Variants in CAMK2G observed in about 807,000 individuals in gnomAD.
The protein encoded by CAMK2G is calcium/calmodulin-dependent protein kinase type II subunit gamma.
In CAMK2G, 23 loss-of-function variants were observed where a neutral mutation model predicts 88.7. The ratio of observed to expected loss-of-function variants is 0.26; its 90% CI spans 0.19 to 0.37. The LOEUF is 0.37. Among genes scored for constraint, CAMK2G ranks in the 10% least tolerant of loss-of-function variants. CAMK2G has a pLI of 1.00. For synonymous variants in CAMK2G, 263 were observed against 294.8 expected (o/e 0.89, Z 1.11); for missense variants, 476 against 780.8 (o/e 0.61, Z 4.65).
At chr10:73,867,106 G>A (rs1463027047) in intron 2 of CAMK2G, among the ~76,000 whole-genome samples, 2 of 152,214 alleles carry the variant, frequency 1.3e-5, no homozygotes, top group Non-Finnish European at 2.9e-5. Context: ...ATGGTCCCAT[G>A]TGAACCCCCA....
chr10:73,819,565 T>C lies in CAMK2G; in HGVS notation c.1330A>G (p.Met444Val). 9.0e-6 allele frequency: 14 copies of C among 1,549,496 alleles called. No individual in the cohort carries two copies. The highest frequency in any genetic ancestry group is 1.2e-5 in the Non-Finnish European group (14 of 1,146,722). The change falls in exon 19 of 23, where the codon ATG becomes GTG. Residue 444 changes from methionine to valine, a missense_variant. This residue lies in a region of CAMK2G where 278 missense variants were observed against 366.5 expected (regional missense o/e 0.76). Coordinates refer to ENST00000423381, the MANE Select transcript of CAMK2G (RefSeq NM_001367534.1). The part of the protein sequence containing the change: ...SRDRTAPSAG[M>V]QPQPSLCSSA... ...GAGCAGAGAGAAGGCTGGGGCTGCA[T>C]GCCTGCAGAGGGGGCTGTTCTGTCC...
intron 14 of CAMK2G, among the ~76,000 whole-genome samples, chr10:73,831,935 A>G (rs529813094): frequency 1.3e-5 from 2 of 151,416 alleles, no homozygotes; most frequent in South Asian, 4.2e-4. Context: ...TTTTTTTTTT[A>G]ATTGAGATGG....
chr10:73,845,619 A>G (rs1054658867), intron 10 of CAMK2G, among the ~76,000 whole-genome samples: 4 of 151,748 alleles, frequency 2.6e-5, no homozygotes, highest in Admixed American at 6.6e-5. Flanking sequence ...TTGTCTCACA[A>G]ACAAGCTCCT....
intron 10 of CAMK2G, among the ~76,000 whole-genome samples, chr10:73,843,757 G>C (rs1230495340): frequency 6.6e-6 from 1 of 152,070 alleles, no homozygotes; most frequent in Non-Finnish European, 1.5e-5. Flanking sequence ...AGGTCCGGAG[G>C]CAACTCTCCC....
At chr10:73,829,644 G>A (rs1232813333) in intron 14 of CAMK2G, among the ~76,000 whole-genome samples, 2 of 149,700 alleles carry the variant, frequency 1.3e-5, no homozygotes, top group African/African-American at 2.5e-5. Context: ...ATTTTACTTC[G>A]AAAATCATCC....
intron 2 of CAMK2G, among the ~76,000 whole-genome samples, chr10:73,861,108 C>A (rs1218516352): frequency 1.3e-5 from 2 of 152,204 alleles, no homozygotes; most frequent in Non-Finnish European, 2.9e-5. Context: ...ATGATCGCAG[C>A]CTCAAACTCC....
chr10:73,827,470 C>G (rs375210885), intron 15 of CAMK2G, among the ~76,000 whole-genome samples: 3 of 152,180 alleles, frequency 2.0e-5, no homozygotes, highest in Non-Finnish European at 4.4e-5. Flanking sequence ...TGAGCCATCG[C>G]GCCCGGCCCC....
intron 20 of CAMK2G, 125 bp downstream of exon 20, chr10:73,817,354 G>A: frequency 1.2e-6 from 1 of 828,434 alleles, no homozygotes. Flanking sequence ...TTTAGGAGAG[G>A]GCTTAACTCA....
chr10:73,852,550 C>G (rs1458337714), intron 4 of CAMK2G: 2 of 547,204 alleles, frequency 3.7e-6, no homozygotes, highest in African/African-American at 3.8e-5. Flanking sequence ...CCAAAATGCA[C>G]AGATTCACTA....
intron 10 of CAMK2G, among the ~76,000 whole-genome samples, chr10:73,843,934 G>A (rs891742349): frequency 4.6e-5 from 7 of 152,272 alleles, no homozygotes; most frequent in African/African-American, 1.7e-4. Flanking sequence ...GGGGGATCAT[G>A]GTCATCCCCG....
At position 73,832,451 on chromosome 10, in the gene CAMK2G, C is replaced by T. The variant is rs140409880; in HGVS notation, c.1054-4330G>A. ...CCTTCCAAGTGGCTGGGATTACAGG[C>T]ACGCACCACCACGCCCAGCTAATTT... On this transcript the variant is annotated intron_variant, in intron 14 of 22. Transcript: ENST00000423381. Among the ~76,000 whole-genome samples the T allele has an allele frequency of 2.0e-5, 3 of 152,220 alleles. No individual in the cohort carries two copies. The East Asian group carries it at 5.8e-4, about 29-fold the overall frequency.
At chr10:73,851,751 G>GT (rs958598621) in intron 5 of CAMK2G, among the ~76,000 whole-genome samples, 23 of 37,824 alleles carry the variant, frequency 6.1e-4, no homozygotes, top group South Asian at 3.3e-3. Context: ...TTTTTTTTGT[G>GT]GGGGGGGGGA....
At chr10:73,823,153 C>T (rs185333236) in intron 17 of CAMK2G, among the ~76,000 whole-genome samples, 7 of 152,108 alleles carry the variant, frequency 4.6e-5, no homozygotes, top group Non-Finnish European at 7.4e-5. Flanking sequence ...TGAGCCACCG[C>T]ACCTGGCCCT....
At chr10:73,814,905 A>T in intron 22 of CAMK2G, 98 bp downstream of exon 22, 1 of 791,336 alleles carries the variant, frequency 1.3e-6, no homozygotes, top group Non-Finnish European at 2.0e-6. Flanking sequence ...GACGGCCCAC[A>T]CCTCCTCTCC....
In CAMK2G at chr10:73,827,335, C is replaced by T. The variant is rs1245124609; in HGVS notation, c.1086+754G>A. Among the ~76,000 whole-genome samples, 4 of 152,334 alleles carry T rather than the reference C, an allele frequency of 2.6e-5. No individual in the cohort carries two copies. The East Asian group carries it at 7.7e-4, about 29-fold the overall frequency. On this transcript the variant is annotated intron_variant, in intron 15 of 22. Transcript: ENST00000423381. ...CTGAGTAGCTGGGACTACAGGCGCC[C>T]ACCACCACACCTGGCTAATTTTTTG...
Position 73,842,307 on chromosome 10 carries a change from A to G in CAMK2G, c.904-96T>C. ...CAGGTCCTGGCTAGAGCCTGAAGAC[A>G]TCAGGCCTCTGGGCCCCCTCCCCTG... On this transcript the variant is annotated intron_variant, in intron 11 of 22. Transcript: ENST00000423381. This position sits in a 1 kb window ranked among gnomAD's most constrained non-coding sequence, Gnocchi z 4.6. 1 of 1,194,794 alleles carries G rather than the reference A, an allele frequency of 8.4e-7. No individual in the cohort carries two copies. The highest frequency in any genetic ancestry group is 1.3e-6 in the Non-Finnish European group (1 of 798,050). The allele number at this position is 1,194,794 out of a possible 1,614,324, so 74.0% of individuals were successfully genotyped here.
At chr10:73,851,612 GA>G (rs889474240) in intron 5 of CAMK2G, among the ~76,000 whole-genome samples, 13 of 152,132 alleles carry the variant, frequency 8.5e-5, no homozygotes, top group African/African-American at 2.7e-4. Flanking sequence ...TTTGTCAAAG[GA>G]AAGAAAAGGG....
chr10:73,843,742 T>C (rs1284252255), intron 10 of CAMK2G, among the ~76,000 whole-genome samples: 1 of 152,140 alleles, frequency 6.6e-6, no homozygotes, highest in Non-Finnish European at 1.5e-5. Context: ...TGGCCCACTC[T>C]TTCCAGGTCC....
At chr10:73,829,006 C>G (rs1487790828) in intron 14 of CAMK2G, among the ~76,000 whole-genome samples, 4 of 152,172 alleles carry the variant, frequency 2.6e-5, no homozygotes, top group African/African-American at 7.2e-5. Context: ...GTAAGGTCCC[C>G]CTGTAATATG....
Sources: gnomAD v4.1 joint callset for allele counts (sites outside exome capture counted in the v4.1 genomes callset) on GRCh38, gnomAD v4.1.1 for gene constraint, gnomAD v4.1.1 regional missense constraint, Gnocchi (gnomAD v3.1) non-coding constraint, MANE v1.5 for transcripts, NCBI Gene and HGNC (gene_info 2026-07-23, HGNC 2026-07-21) for gene names.